The following NTRK2 variants were observed in gnomAD, a reference collection of about 807,000 sequenced individuals.
NTRK2 encodes the protein BDNF/NT-3 growth factors receptor.
A neutral mutation model predicts 94.5 loss-of-function variants in NTRK2; 13 were observed. That is an observed-to-expected ratio of 0.14 (90% CI 0.09 to 0.22). The LOEUF is 0.22. NTRK2 is among the 10% of genes least tolerant of loss of function. NTRK2 has a pLI of 1.00. For synonymous variants in NTRK2, 372 were observed against 407.4 expected, an observed-to-expected ratio of 0.91 and a Z score of 1.05; for missense variants, 639 against 1,071.2, an observed-to-expected ratio of 0.60 and a Z score of 5.63.
chr9:84,935,422 T>A (rs1196339479), intron 15 of NTRK2, among the ~76,000 whole-genome samples: 1 of 152,200 alleles, frequency 6.6e-6, no homozygotes, highest in African/African-American at 2.4e-5. Context: ...TTTATTAAAG[T>A]TTATCCAAAT....
intron 17 of NTRK2, 31 bp downstream of exon 17, chr9:84,955,548 G>T (rs538357311): frequency 6.4e-7 from 1 of 1,574,216 alleles, no homozygotes; most frequent in Admixed American, 1.7e-5. Flanking sequence ...GAGACCCCAG[G>T]GACCTCTTTC....
In NTRK2 at chr9:84,984,470, T is replaced by TCAAA. The variant is rs373772830; in HGVS notation, c.2172+28978_2172+28981dup. On this transcript the variant is annotated intron_variant, in intron 17 of 18. Transcript: ENST00000277120. ...CTGGGCGACAGAGCGAGACTATATC[T>TCAAA]CAAACAAACAAACAAACAAACAAAC... is the stretch of plus-strand genomic sequence containing the variant. Among the ~76,000 whole-genome samples, 347 of 149,614 alleles carry TCAAA rather than the reference T, an allele frequency of 2.3e-3. 2 individuals carry two copies. The highest frequency in any genetic ancestry group is 2.9e-3 in the Non-Finnish European group (193 of 67,570).
At chr9:84,942,773 G>GT (rs77265205) in intron 15 of NTRK2, among the ~76,000 whole-genome samples, 291 of 148,574 alleles carry the variant, frequency 2.0e-3, no homozygotes, top group African/African-American at 5.6e-3. Context: ...AATCTGTTAG[G>GT]TTTTTTTTTT....
chr9:84,911,397 A>G (rs1208373114), intron 14 of NTRK2, among the ~76,000 whole-genome samples: 1 of 152,184 alleles, frequency 6.6e-6, no homozygotes, highest in Admixed American at 6.5e-5. Flanking sequence ...TAGTGAAACC[A>G]TCTAGAATTG....
intron 14 of NTRK2, among the ~76,000 whole-genome samples, chr9:84,889,767 A>G (rs1056333840): frequency 2.0e-5 from 3 of 152,206 alleles, no homozygotes; most frequent in African/African-American, 7.2e-5. Flanking sequence ...CATATTCTAA[A>G]AGTATAACTT....
At chr9:84,901,098 C>G (rs2076913083) in intron 14 of NTRK2, among the ~76,000 whole-genome samples, 1 of 152,078 alleles carries the variant, frequency 6.6e-6, no homozygotes, top group African/African-American at 2.4e-5. Context: ...GTTTTTTCCC[C>G]AGCAGATAAC....
At chr9:84,973,165 A>G (rs1024742791) in intron 17 of NTRK2, among the ~76,000 whole-genome samples, 1 of 152,248 alleles carries the variant, frequency 6.6e-6, no homozygotes, top group Non-Finnish European at 1.5e-5. Context: ...GAATGTTCAA[A>G]TGTTCACAGC....
chr9:84,993,581 T>C (rs1283378091), intron 17 of NTRK2, among the ~76,000 whole-genome samples: 2 of 152,240 alleles, frequency 1.3e-5, no homozygotes, highest in African/African-American at 4.8e-5. Context: ...CAGAGTGTCC[T>C]TTGTAGAGTG....
intron 11 of NTRK2, among the ~76,000 whole-genome samples, chr9:84,748,173 A>G (rs1337480784): frequency 6.6e-6 from 1 of 152,186 alleles, no homozygotes. Flanking sequence ...CCAACCAACC[A>G]ATCAAACAAC....
chr9:84,742,702 C>T lies in NTRK2; in HGVS notation c.1195+775C>T, dbSNP rs779266458. On this transcript the variant is annotated intron_variant, in intron 10 of 18. Coordinates refer to ENST00000277120, the MANE Select transcript of NTRK2 (RefSeq NM_006180.6). ...CCCCCAGACTTTAAGTCAGCTTCCCCGAAGGTGGATAGGCTTAACCCCTTG... is the reference window on the plus strand; with the variant it reads ...CCCCCAGACTTTAAGTCAGCTTCCCTGAAGGTGGATAGGCTTAACCCCTTG... Among the ~76,000 whole-genome samples, 5 of 151,224 alleles carry T rather than the reference C, an allele frequency of 3.3e-5. No individual in the cohort carries two copies. In the South Asian group the frequency reaches 6.2e-4, roughly 19 times the overall value.
In NTRK2 at chr9:84,670,585, C is replaced by T. The variant is rs1481867063; in HGVS notation, c.-164C>T. On this transcript the variant is annotated 5_prime_UTR_variant, in exon 2 of 19. Transcript: ENST00000277120. The stretch of plus-strand genomic sequence containing the variant: ...CTGCCGCCTGCCGGAACACTCTTCG[C>T]TCCGGACCAGCTCAGCCTCTGATAA... The T allele has an allele frequency of 2.7e-6, 2 of 727,706 alleles. No individual in the cohort carries two copies. The highest frequency in any genetic ancestry group is 3.5e-5 in the African/African-American group (2 of 57,898). 45.1% of individuals were successfully genotyped at this position (727,706 alleles called of 1,614,324 possible).
rs201074050 is a variant in NTRK2 at position 85,020,195 on chromosome 9, T to A, written c.2173-11T>A. ...TGACTGATGCCTCCCTGTTGATCCC[T>A]TTCTCCCCAGGTCGGTGGCCACACA... On this transcript the variant is annotated splice_polypyrimidine_tract_variant and intron_variant, in intron 17 of 18. Coordinates refer to ENST00000277120, the MANE Select transcript of NTRK2 (RefSeq NM_006180.6). The A allele has an allele frequency of 3.1e-6, 5 of 1,613,868 alleles. No individual in the cohort carries two copies. The highest frequency in any genetic ancestry group is 3.4e-6 in the Non-Finnish European group (4 of 1,179,988).
intron 14 of NTRK2, among the ~76,000 whole-genome samples, chr9:84,905,503 T>C (rs1175737938): frequency 6.6e-6 from 1 of 152,164 alleles, no homozygotes; most frequent in East Asian, 1.9e-4. Context: ...TTTAGGCTCA[T>C]TCATGGGTCA....
At chr9:84,833,552 AAAG>A (rs367759774) in intron 12 of NTRK2, among the ~76,000 whole-genome samples, 26 of 151,950 alleles carry the variant, frequency 1.7e-4, no homozygotes, top group African/African-American at 5.5e-4. Context: ...AGGAAAGAAA[AAAG>A]AAGGAAGAAT....
intron 14 of NTRK2, among the ~76,000 whole-genome samples, chr9:84,919,263 GCTT>G (rs2077490032): frequency 6.6e-6 from 1 of 152,120 alleles, no homozygotes; most frequent in African/African-American, 2.4e-5. Context: ...ATCCACATCA[GCTT>G]CTTTCTTGAG....
intron 12 of NTRK2, chr9:84,815,393 T>C (rs201309441): frequency 4.8e-5 from 50 of 1,045,590 alleles, no homozygotes; most frequent in Middle Eastern, 4.3e-4. Flanking sequence ...CATTTATGAA[T>C]TGAGTATAAA....
At chr9:85,002,940 G>T (rs1054377184) in intron 17 of NTRK2, among the ~76,000 whole-genome samples, 5 of 152,184 alleles carry the variant, frequency 3.3e-5, no homozygotes, top group Non-Finnish European at 7.4e-5. Flanking sequence ...AGGCTAGGAG[G>T]TGAGGGGCTC....
chr9:84,723,124 A>G (rs115434692), intron 6 of NTRK2, among the ~76,000 whole-genome samples: 2,994 of 152,320 alleles, frequency 0.02, 80 homozygotes, highest in African/African-American at 0.065. Flanking sequence ...AGATTTTTGC[A>G]AAAACAAAAT....
chr9:84,827,799 C>A (rs1273550793), intron 12 of NTRK2, among the ~76,000 whole-genome samples: 2 of 152,196 alleles, frequency 1.3e-5, no homozygotes, highest in African/African-American at 4.8e-5. Flanking sequence ...TTCACCTCTG[C>A]GTTTTCAGCT....
Sources: gnomAD v4.1 joint callset for allele counts (sites outside exome capture counted in the v4.1 genomes callset) on GRCh38, gnomAD v4.1.1 for gene constraint, MANE v1.5 for transcripts, NCBI Gene and HGNC (gene_info 2026-07-23, HGNC 2026-07-21) for gene names.